Variants in CSMD1 observed in about 807,000 individuals in gnomAD.
The protein encoded by CSMD1 is CUB and sushi domain-containing protein 1.
A neutral mutation model predicts 417.5 loss-of-function variants in CSMD1; 213 were observed. That is an observed-to-expected ratio of 0.51 (90% confidence interval 0.46 to 0.57). CSMD1 has a LOEUF of 0.57. Ranked by LOEUF, CSMD1 falls within the 20% of genes least tolerant of loss-of-function variation. CSMD1 has a pLI of 0.00. For synonymous variants in CSMD1, 2,862 were observed against 1,736.8 expected, an observed-to-expected ratio of 1.65 and a Z score of -16.11; for missense variants, 6,923 against 4,529.7, an observed-to-expected ratio of 1.53 and a Z score of -15.17.
intron 2 of CSMD1, among the ~76,000 whole-genome samples, chr8:4,428,813 A>T (rs1322482999): frequency 6.6e-6 from 1 of 151,966 alleles, no homozygotes; most frequent in Non-Finnish European, 1.5e-5. Flanking sequence ...TCCACCTCCC[A>T]GGTTGAAGGA....
At chr8:2,994,137 C>G (rs1399110874) in intron 54 of CSMD1, among the ~76,000 whole-genome samples, 7 of 46,478 alleles carry the variant, frequency 1.5e-4, no homozygotes, top group African/African-American at 9.4e-4. Flanking sequence ...CAGAGCAAAA[C>G]TCCATCTCAA....
At chr8:4,706,684 T>C (rs1397757066) in intron 1 of CSMD1, among the ~76,000 whole-genome samples, 1 of 152,154 alleles carries the variant, frequency 6.6e-6, no homozygotes, top group Non-Finnish European at 1.5e-5. Flanking sequence ...TGGCTGAAGT[T>C]AATAATGGCA....
At chr8:3,225,060 A>G (rs971366072) in intron 27 of CSMD1, among the ~76,000 whole-genome samples, 4 of 152,230 alleles carry the variant, frequency 2.6e-5, no homozygotes, top group Non-Finnish European at 5.9e-5. Flanking sequence ...TAGAAAAGAA[A>G]ATGTCTTAAT....
At chr8:3,840,038 G>A (rs1302657509) in intron 5 of CSMD1, among the ~76,000 whole-genome samples, 2 of 152,076 alleles carry the variant, frequency 1.3e-5, no homozygotes, top group East Asian at 3.9e-4. Context: ...ATGTTTCTAG[G>A]AATCCTCTGG....
Position 3,776,807 on chromosome 8 carries a change from G to GATATATATAT in CSMD1, c.819-22775_819-22766dup, listed in dbSNP as rs151060171. On this transcript the variant is annotated intron_variant, in intron 5 of 69. Coordinates refer to ENST00000635120, the MANE Select transcript of CSMD1 (RefSeq NM_033225.6). ...GTGATAGATAGTGACATATAGACGA[G>GATATATATAT]ATATATATATATATATACAGATGAC... 3.4e-3 allele frequency among the ~76,000 whole-genome samples: 478 copies of GATATATATAT among 139,970 alleles called. 12 individuals are homozygous for GATATATATAT. Among genetic ancestry groups the GATATATATAT allele is most frequent in the Middle Eastern group, 0.011 (3 of 278 alleles). The allele number at this position is 139,970 out of a possible 152,430, so 91.8% of individuals were successfully genotyped here. A position where few individuals can be genotyped will look rare whatever the true frequency, so the allele number is the denominator to read the frequency against.
intron 3 of CSMD1, among the ~76,000 whole-genome samples, chr8:4,037,915 G>C (rs937629743): frequency 7.2e-5 from 11 of 151,920 alleles, no homozygotes; most frequent in Non-Finnish European, 1.2e-4. Flanking sequence ...AGCTTAGTGG[G>C]AATAGGAAAA....
At chr8:4,557,174 T>C (rs1328839566) in intron 2 of CSMD1, among the ~76,000 whole-genome samples, 1 of 152,156 alleles carries the variant, frequency 6.6e-6, no homozygotes, top group Non-Finnish European at 1.5e-5. Context: ...CTCCATCAGT[T>C]AGAATTTGGT....
At chr8:3,946,746 G>C (rs911429034) in intron 5 of CSMD1, among the ~76,000 whole-genome samples, 7 of 151,894 alleles carry the variant, frequency 4.6e-5, no homozygotes, top group South Asian at 2.1e-4. Context: ...ATTTCTCTCA[G>C]CTATGTTTTA....
chr8:4,183,115 T>C (rs1056101821), intron 3 of CSMD1, among the ~76,000 whole-genome samples: 5 of 152,148 alleles, frequency 3.3e-5, no homozygotes, highest in Admixed American at 1.3e-4. Context: ...GAGATCATCT[T>C]TATGCAGTGA....
chr8:4,838,044 T>A (rs1189291706), intron 1 of CSMD1, among the ~76,000 whole-genome samples: 1 of 152,132 alleles, frequency 6.6e-6, no homozygotes, highest in East Asian at 1.9e-4. Flanking sequence ...GGCAAGGCAG[T>A]GTGAATGGGT....
chr8:4,678,218 C>T (rs975956199), intron 1 of CSMD1, among the ~76,000 whole-genome samples: 1 of 151,600 alleles, frequency 6.6e-6, no homozygotes, highest in Non-Finnish European at 1.5e-5. Flanking sequence ...CGAGGTCAGC[C>T]TGGCCAACCT....
At chr8:4,755,135 A>C (rs1811589992) in intron 1 of CSMD1, among the ~76,000 whole-genome samples, 1 of 152,190 alleles carries the variant, frequency 6.6e-6, no homozygotes, top group African/African-American at 2.4e-5. Context: ...ACACTGTCTC[A>C]AATAAATAAT....
rs755184613 is a variant in CSMD1, at chr8:3,348,064, T to G, written c.3402A>C (p.Ile1134=). ...GGATGCCCTTGCCGGCTTCTGTTTC[T>G]ATTTTATAGATACACTCATGGTTAT... ...YDNNHECIYK[I]ETEAGKGIHL... Residue 1134 remains isoleucine (I), a synonymous_variant, in exon 22 of 70, where the codon ATA becomes ATC. Coordinates refer to ENST00000635120, the MANE Select transcript of CSMD1 (RefSeq NM_033225.6). 4 of 1,612,686 alleles carry G rather than the reference T, an allele frequency of 2.5e-6. No individual in the cohort carries two copies. The highest frequency in any genetic ancestry group is 1.7e-5 in the Admixed American group (1 of 59,886).
At chr8:3,222,028 C>T (rs1331037790) in intron 28 of CSMD1, among the ~76,000 whole-genome samples, 1 of 152,154 alleles carries the variant, frequency 6.6e-6, no homozygotes, top group East Asian at 1.9e-4. Context: ...TGGTCTCTCC[C>T]TCCTCACTAC....
intron 3 of CSMD1, among the ~76,000 whole-genome samples, chr8:4,408,414 G>C (rs1429508569): frequency 1.3e-5 from 2 of 152,342 alleles, no homozygotes; most frequent in East Asian, 3.9e-4. Flanking sequence ...ATTCTCCATT[G>C]ATCAGGTTTT....
chr8:3,148,082 C>T (rs1043312652), intron 40 of CSMD1, among the ~76,000 whole-genome samples: 1 of 152,106 alleles, frequency 6.6e-6, no homozygotes, highest in Admixed American at 6.6e-5. Flanking sequence ...AAATAGGGGA[C>T]CCTTTTCTGA....
intron 3 of CSMD1, among the ~76,000 whole-genome samples, chr8:4,042,871 T>TA (rs1797963921): frequency 8.2e-6 from 1 of 122,132 alleles, no homozygotes; most frequent in Non-Finnish European, 1.7e-5. Context: ...CTCATGCCTA[T>TA]AATCCCAGTA....
At chr8:4,588,140 C>A (rs999821329) in intron 2 of CSMD1, among the ~76,000 whole-genome samples, 2 of 151,990 alleles carry the variant, frequency 1.3e-5, no homozygotes, top group African/African-American at 4.8e-5. Context: ...TTTTCAAAGA[C>A]GGGCTTATTT....
chr8:3,001,684 A>C (rs1411056716), intron 52 of CSMD1, among the ~76,000 whole-genome samples: 1 of 152,222 alleles, frequency 6.6e-6, no homozygotes, highest in Non-Finnish European at 1.5e-5. Context: ...ATCAATATTT[A>C]TCTTTGAAGT....
Sources: allele counts gnomAD v4.1 joint callset (sites outside exome capture counted in the v4.1 genomes callset), GRCh38; gene constraint gnomAD v4.1.1; transcripts MANE v1.5; gene names NCBI Gene and HGNC (gene_info 2026-07-23, HGNC 2026-07-21).